The following RPH3AL variants were observed in gnomAD, a reference collection of about 807,000 sequenced individuals.
RPH3AL encodes the protein rabphilin 3A like (without C2 domains), also known as rab effector Noc2.
RPH3AL carries 38 observed loss-of-function variants against 43.1 expected under a neutral mutation model. That is an observed-to-expected ratio of 0.88 (90% CI 0.68 to 1.15). RPH3AL has a LOEUF of 1.15. Ranked by LOEUF, RPH3AL falls within the 50% of genes most tolerant of loss-of-function variation. The pLI is 0.00. For synonymous variants in RPH3AL, 189 were observed against 176.3 expected (o/e 1.07, Z -0.57); for missense variants, 462 against 423.2 (o/e 1.09, Z -0.81).
chr17:214,553 C>T (rs2040747189), intron 9 of RPH3AL: 1 of 152,570 alleles, frequency 6.6e-6, no homozygotes, highest in Non-Finnish European at 1.5e-5. Flanking sequence ...ACTGTTTCAG[C>T]CCAGGAGTTC....
chr17:347,319 T>C (rs1217882547), intron 1 of RPH3AL, among the ~76,000 whole-genome samples: 1 of 152,160 alleles, frequency 6.6e-6, no homozygotes, highest in East Asian at 1.9e-4. Flanking sequence ...ACAGTGGGAC[T>C]CTGTATCTAT....
intron 7 of RPH3AL, among the ~76,000 whole-genome samples, chr17:229,654 G>C (rs984069090): frequency 6.6e-6 from 1 of 152,244 alleles, no homozygotes; most frequent in African/African-American, 2.4e-5. Flanking sequence ...AAAAACAGCT[G>C]AATGGGGAGG....
intron 6 of RPH3AL, among the ~76,000 whole-genome samples, chr17:277,266 T>C (rs1220256061): frequency 2.0e-5 from 3 of 152,108 alleles, no homozygotes; most frequent in Non-Finnish European, 4.4e-5. Flanking sequence ...TTCAATAATA[T>C]AAAGAAAAAA....
At chr17:236,908 C>A (rs1597902733) in intron 7 of RPH3AL, among the ~76,000 whole-genome samples, 1 of 152,282 alleles carries the variant, frequency 6.6e-6, no homozygotes, top group East Asian at 1.9e-4. Flanking sequence ...CCCTCTTGGG[C>A]ACAGCCTGGC....
intron 6 of RPH3AL, among the ~76,000 whole-genome samples, chr17:262,167 A>G (rs1311940396): frequency 6.6e-6 from 1 of 152,168 alleles, no homozygotes; most frequent in Non-Finnish European, 1.5e-5. Flanking sequence ...CTAGGGGTCA[A>G]GGTCGTTATA....
intron 4 of RPH3AL, among the ~76,000 whole-genome samples, 166 bp downstream of exon 4, chr17:321,106 G>A (rs2044457758): frequency 6.6e-6 from 1 of 152,244 alleles, no homozygotes; most frequent in Admixed American, 6.5e-5. Context: ...CACTCCCAGA[G>A]TTCAGACAGA....
intron 1 of RPH3AL, among the ~76,000 whole-genome samples, chr17:346,348 G>A (rs574187458): frequency 1.5e-5 from 2 of 135,452 alleles, no homozygotes; most frequent in African/African-American, 5.1e-5. Flanking sequence ...CCAAGACTGG[G>A]CAATTTACAA....
At position 317,408 on chromosome 17, in the gene RPH3AL, G is replaced by A. The variant is rs1442473230; in HGVS notation, c.351+2012C>T. 3.4e-5 allele frequency among the ~76,000 whole-genome samples: 5 copies of A among 147,020 alleles called. No homozygotes were observed. In the South Asian group the frequency reaches 8.7e-4, roughly 25 times the overall value. On this transcript the variant is annotated intron_variant, in intron 5 of 9. Transcript: ENST00000331302. ...GTGGCCCCACGTCCATTGACTTGTA[G>A]TCTCTGTGCTCCACACCTCCATTGA...
chr17:332,929 C>A, intron 2 of RPH3AL: 1 of 1,036,008 alleles, frequency 9.7e-7, no homozygotes, highest in Non-Finnish European at 1.3e-6. Flanking sequence ...TAGGAGGACC[C>A]GAGGGGTACA....
chr17:294,368 C>T (rs1046958039), intron 5 of RPH3AL, among the ~76,000 whole-genome samples: 2 of 152,094 alleles, frequency 1.3e-5, no homozygotes, highest in African/African-American at 2.4e-5. Context: ...TTGGAAGAAT[C>T]GTTTGAGCTC....
Position 289,785 on chromosome 17 carries a change from C to T in RPH3AL, c.352-7931G>A, listed in dbSNP as rs545596081. Among the ~76,000 whole-genome samples the T allele has an allele frequency of 3.9e-5, 6 of 152,336 alleles. No individual in the cohort carries two copies. The South Asian group carries it at 6.2e-4, about 16-fold the overall frequency. ...ACGTGTTGCCCCCTCTGTGTGGCCA[C>T]GCTGTCTCTTCATTAACCTACACAC... is the stretch of plus-strand genomic sequence containing the variant. On this transcript the variant is annotated intron_variant, in intron 5 of 9. Coordinates refer to ENST00000331302, the MANE Select transcript of RPH3AL (RefSeq NM_006987.4). The surrounding 1 kb of genome is among the most constrained non-coding windows in gnomAD (Gnocchi z 5.2).
At chr17:269,198 C>G (rs1018977725) in intron 6 of RPH3AL, among the ~76,000 whole-genome samples, 1 of 151,786 alleles carries the variant, frequency 6.6e-6, no homozygotes, top group Non-Finnish European at 1.5e-5. Context: ...TTTTTAGAGA[C>G]GAGGGATCGC....
chr17:280,292 G>T (rs2042747295), intron 6 of RPH3AL, among the ~76,000 whole-genome samples: 2 of 152,140 alleles, frequency 1.3e-5, no homozygotes, highest in African/African-American at 4.8e-5. Context: ...AGGCTGTTGA[G>T]GGGATTTTCC....
chr17:255,920 C>G (rs374579231), intron 6 of RPH3AL, among the ~76,000 whole-genome samples: 2 of 33,666 alleles, frequency 5.9e-5, no homozygotes, highest in African/African-American at 2.0e-4. Context: ...TGAGGGGAGC[C>G]GCACGGCGTC....
intron 7 of RPH3AL, 28 bp from the exon 8 acceptor site, chr17:219,764 G>A (rs2040910877): frequency 1.9e-6 from 3 of 1,566,082 alleles, no homozygotes; most frequent in Non-Finnish European, 2.6e-6. Flanking sequence ...CAGCACAGGA[G>A]GTCACCCGAC....
chr17:248,579 C>T (rs1260265876), intron 6 of RPH3AL, among the ~76,000 whole-genome samples: 1 of 152,190 alleles, frequency 6.6e-6, no homozygotes, highest in Non-Finnish European at 1.5e-5. Flanking sequence ...GGGATGCCCA[C>T]CCTGAACTCA....
chr17:226,245 C>T (rs2041104579), intron 7 of RPH3AL, among the ~76,000 whole-genome samples: 1 of 152,238 alleles, frequency 6.6e-6, no homozygotes, highest in Non-Finnish European at 1.5e-5. Context: ...TGGGGAAGAG[C>T]CTCAGATGCC....
At position 274,447 on chromosome 17, in the gene RPH3AL, C is replaced by T. The variant is rs548384687; in HGVS notation, c.438+7321G>A. Reference sequence around the variant, plus strand: ...GGGGCCACAGGGGCTGTCCTCCCTCCGCCAACCCTCCTGTCATCCCTGGGA... The same window carrying T: ...GGGGCCACAGGGGCTGTCCTCCCTCTGCCAACCCTCCTGTCATCCCTGGGA... On this transcript the variant is annotated intron_variant, in intron 6 of 9. Coordinates refer to ENST00000331302, the MANE Select transcript of RPH3AL (RefSeq NM_006987.4). This position sits in a 1 kb window ranked among gnomAD's most constrained non-coding sequence, Gnocchi z 4.7. Among the ~76,000 whole-genome samples the T allele has an allele frequency of 6.6e-5, 10 of 152,372 alleles. No individual in the cohort carries two copies. Among genetic ancestry groups the T allele is most frequent in the African/African-American group, 1.7e-4 (7 of 41,590 alleles).
chr17:233,778 G>C (rs2041285417), intron 7 of RPH3AL, among the ~76,000 whole-genome samples: 1 of 152,206 alleles, frequency 6.6e-6, no homozygotes, highest in Non-Finnish European at 1.5e-5. Flanking sequence ...GGGTGTCAGA[G>C]ACAACAGGGC....
Sources: allele counts gnomAD v4.1 joint callset (sites outside exome capture counted in the v4.1 genomes callset), GRCh38; gene constraint gnomAD v4.1.1; non-coding constraint Gnocchi (gnomAD v3.1); transcripts MANE v1.5; gene names NCBI Gene and HGNC (gene_info 2026-07-23, HGNC 2026-07-21).